TCERG1L: variants seen among roughly 807,000 people sequenced by gnomAD.
TCERG1L encodes transcription elongation regulator 1-like protein.
Under a neutral mutation model 56.3 loss-of-function variants are expected in TCERG1L, and 37 were observed. That is an observed-to-expected ratio of 0.66 (90% CI 0.51 to 0.87). The LOEUF is 0.87. Ranked by LOEUF, TCERG1L falls within the 40% of genes least tolerant of loss-of-function variation. The pLI is 0.00. For missense variants in TCERG1L, 799 were observed against 774.2 expected, an observed-to-expected ratio of 1.03 and a Z score of -0.38; for synonymous variants, 324 against 326.3, an observed-to-expected ratio of 0.99 and a Z score of 0.08.
At chr10:131,261,673 T>C (rs2003953) in intron 3 of TCERG1L, among the ~76,000 whole-genome samples, 46,309 of 152,236 alleles carry the variant, frequency 0.3, 8,072 homozygotes, top group East Asian at 0.52. Context: ...TTTCCAGCAG[T>C]AGCTCTTTGG....
intron 4 of TCERG1L, among the ~76,000 whole-genome samples, chr10:131,206,782 G>A (rs372870878): frequency 6.6e-6 from 1 of 152,286 alleles, no homozygotes; most frequent in African/African-American, 2.4e-5. Context: ...GTGTAGGACA[G>A]GGAGGCCTGG....
At chr10:131,218,482 T>C (rs185901597) in intron 4 of TCERG1L, among the ~76,000 whole-genome samples, 179 of 143,328 alleles carry the variant, frequency 1.2e-3, no homozygotes, top group African/African-American at 4.6e-3. Context: ...TCTGCGATCC[T>C]TTTTTTCTAT....
At chr10:131,231,097 C>T (rs375053897) in intron 4 of TCERG1L, among the ~76,000 whole-genome samples, 2 of 150,896 alleles carry the variant, frequency 1.3e-5, no homozygotes, top group East Asian at 1.9e-4. Context: ...CCATGTTGGC[C>T]GGCCCGGCCT....
intron 4 of TCERG1L, among the ~76,000 whole-genome samples, chr10:131,259,659 C>T (rs932064458): frequency 2.0e-5 from 3 of 152,246 alleles, no homozygotes; most frequent in Non-Finnish European, 4.4e-5. Context: ...AGAATGGCCA[C>T]CCTCCGGGCC....
intron 11 of TCERG1L, among the ~76,000 whole-genome samples, chr10:131,093,646 G>A (rs1217958057): frequency 2.0e-5 from 3 of 152,244 alleles, no homozygotes; most frequent in East Asian, 3.9e-4. Context: ...TGCTGGCCAG[G>A]TCTCCTCCGC....
intron 9 of TCERG1L, among the ~76,000 whole-genome samples, chr10:131,107,467 A>G (rs933304282): frequency 5.3e-5 from 8 of 152,210 alleles, no homozygotes. Flanking sequence ...TGTCAGGGAC[A>G]GTTCAGGGAA....
At chr10:131,244,187 C>T (rs887912480) in intron 4 of TCERG1L, among the ~76,000 whole-genome samples, 3 of 152,146 alleles carry the variant, frequency 2.0e-5, no homozygotes, top group African/African-American at 4.8e-5. Flanking sequence ...GGTGGAGGCC[C>T]GGGGTCCTGG....
intron 3 of TCERG1L, among the ~76,000 whole-genome samples, chr10:131,302,807 G>A (rs1846779643): frequency 6.6e-6 from 1 of 151,760 alleles, no homozygotes; most frequent in African/African-American, 2.4e-5. Context: ...GCCCTGGTGT[G>A]TGATGTTCCC....
At position 131,303,695 on chromosome 10, in the gene TCERG1L, G is replaced by T. The variant is rs78086883; in HGVS notation, c.670+4516C>A. 2.0e-3 allele frequency among the ~76,000 whole-genome samples: 301 copies of T among 152,130 alleles called. 4 individuals are homozygous for T. The highest frequency in any genetic ancestry group is 0.013 in the Admixed American group (206 of 15,294). On this transcript the variant is annotated intron_variant, in intron 3 of 11. Transcript: ENST00000368642. ...TACAGTCACATCTATTTATGCTTAAGAATCTTTCTATGTTGTCTTCTATCA... is the reference window on the plus strand; with the variant it reads ...TACAGTCACATCTATTTATGCTTAATAATCTTTCTATGTTGTCTTCTATCA...
intron 4 of TCERG1L, among the ~76,000 whole-genome samples, chr10:131,247,798 C>T (rs559208648): frequency 1.3e-5 from 2 of 152,290 alleles, no homozygotes; most frequent in Admixed American, 1.3e-4. Context: ...TCCCCACCAC[C>T]AGCAGCACCA....
chr10:131,134,486 G>C (rs959983701), intron 7 of TCERG1L, 38 bp from the exon 8 acceptor site: 1 of 1,547,600 alleles, frequency 6.5e-7, no homozygotes, highest in African/African-American at 1.4e-5. Flanking sequence ...AGAGTTGTCA[G>C]AGCTCAGGGC....
chr10:131,136,267 C>T (rs1845674346), intron 7 of TCERG1L, among the ~76,000 whole-genome samples: 1 of 152,232 alleles, frequency 6.6e-6, no homozygotes, highest in Non-Finnish European at 1.5e-5. Context: ...CAGGCTGGGA[C>T]CCCAAAGGAC....
chr10:131,238,312 T>C (rs1845936132), intron 4 of TCERG1L, among the ~76,000 whole-genome samples: 1 of 152,156 alleles, frequency 6.6e-6, no homozygotes, highest in African/African-American at 2.4e-5. Context: ...TTGGAGACAG[T>C]TTGCAGAAGA....
At chr10:131,242,876 G>A (rs150193420) in intron 4 of TCERG1L, among the ~76,000 whole-genome samples, 3 of 152,174 alleles carry the variant, frequency 2.0e-5, no homozygotes, top group Non-Finnish European at 4.4e-5. Flanking sequence ...CTGTAAAAGC[G>A]AATATAATTA....
intron 4 of TCERG1L, among the ~76,000 whole-genome samples, chr10:131,210,313 G>C (rs1049733922): frequency 6.6e-6 from 1 of 152,156 alleles, no homozygotes; most frequent in Non-Finnish European, 1.5e-5. Flanking sequence ...ACTGACTCCA[G>C]GCCCCTGTGC....
intron 4 of TCERG1L, among the ~76,000 whole-genome samples, chr10:131,250,683 G>T (rs781585833): frequency 1.2e-4 from 18 of 152,124 alleles, no homozygotes; most frequent in Admixed American, 3.3e-4. Flanking sequence ...CTGCCCTAAA[G>T]CACCCTCTTA....
chr10:131,253,806 G>A (rs978007654), intron 4 of TCERG1L, among the ~76,000 whole-genome samples: 2 of 152,132 alleles, frequency 1.3e-5, no homozygotes, highest in African/African-American at 4.8e-5. Flanking sequence ...TCAACGAGAG[G>A]TAACTTTGTC....
intron 4 of TCERG1L, among the ~76,000 whole-genome samples, chr10:131,172,466 T>C (rs1466225335): frequency 6.6e-6 from 1 of 152,232 alleles, no homozygotes; most frequent in Admixed American, 6.5e-5. Flanking sequence ...GAGGAGGGCG[T>C]TGACTCACAG....
At chr10:131,166,450 G>A (rs948298559) in intron 5 of TCERG1L, among the ~76,000 whole-genome samples, 1 of 152,264 alleles carries the variant, frequency 6.6e-6, no homozygotes, top group African/African-American at 2.4e-5. Flanking sequence ...ATTAGAATGA[G>A]TGTGTTGGCT....
Sources: gnomAD v4.1 joint callset for allele counts (sites outside exome capture counted in the v4.1 genomes callset) on GRCh38, gnomAD v4.1.1 for gene constraint, MANE v1.5 for transcripts, NCBI Gene and HGNC (gene_info 2026-07-23, HGNC 2026-07-21) for gene names.